The following RPL29 variants were observed in gnomAD, a reference collection of about 807,000 sequenced individuals.
RPL29 encodes ribosomal protein L29, also known as large ribosomal subunit protein eL29.
In RPL29, 4 loss-of-function variants were observed where a neutral mutation model predicts 7.2. The observed-to-expected ratio is 0.55, with a 90% CI of 0.27 to 1.26. RPL29 has a LOEUF of 1.26. Among genes scored for constraint, RPL29 ranks in the 50% most tolerant of loss-of-function variants. The pLI, the probability that RPL29 is intolerant of heterozygous loss-of-function variation, is 0.11. For synonymous variants in RPL29, 73 were observed against 72.8 expected (o/e 1.00, Z -0.01); for missense variants, 148 against 209.1 (o/e 0.71, Z 1.80).
At chr3:51,994,317 G>A (rs1179821315) in intron 3 of RPL29, 191 bp from the exon 4 acceptor site, 2 of 675,492 alleles carry the variant, frequency 3.0e-6, no homozygotes, top group East Asian at 5.6e-5. Flanking sequence ...CGCCACCTGG[G>A]TAATGCTGTG....
intron 1 of RPL29, 98 bp downstream of exon 1, chr3:51,995,759 A>G (rs933561062): frequency 3.3e-5 from 14 of 429,306 alleles, no homozygotes; most frequent in African/African-American, 4.0e-5. Flanking sequence ...TTTGCTCCCG[A>G]CAGACACACG....
At chr3:51,994,408 A>G (rs903388762) in intron 3 of RPL29, 5 of 416,730 alleles carry the variant, frequency 1.2e-5, no homozygotes, top group African/African-American at 1.0e-4. Flanking sequence ...TTCCTACAGC[A>G]GGGGTTCGAC....
intron 2 of RPL29, 134 bp from the exon 3 acceptor site, chr3:51,995,240 C>G: frequency 1.0e-6 from 1 of 973,360 alleles, no homozygotes; most frequent in Non-Finnish European, 1.6e-6. Flanking sequence ...GAAACCCTTA[C>G]TACTAAATGC....
intron 1 of RPL29, 154 bp from the exon 2 acceptor site, chr3:51,995,623 C>T (rs1009552744): frequency 1.0e-5 from 7 of 689,360 alleles, no homozygotes; most frequent in African/African-American, 1.8e-5. Context: ...GTCCTGGCCT[C>T]CCAAACCCAG....
At position 51,995,344 on chromosome 3, in the gene RPL29, G is replaced by A. The variant is rs376766326; in HGVS notation, c.37+81C>T. ...TCAGCCTCAGGCCCACAATGGAAAC[G>A]TGCCCCTTCATCTCTGTCCCAGTTT... is the stretch of plus-strand genomic sequence containing the variant. On this transcript the variant is annotated intron_variant, in intron 2 of 3. Coordinates refer to ENST00000294189, the MANE Select transcript of RPL29 (RefSeq NM_000992.3). 7.9e-4 allele frequency: 1,156 copies of A among 1,463,822 alleles called. 1 individual carries two copies. The highest frequency in any genetic ancestry group is 1.0e-3 in the Non-Finnish European group (1,084 of 1,043,926). 90.7% of individuals were successfully genotyped at this position (1,463,822 alleles called of 1,614,324 possible). A position where few individuals can be genotyped will look rare whatever the true frequency, so the allele number is the denominator to read the frequency against.
Position 51,995,844 on chromosome 3 carries a change from G to A in RPL29, c.-9+13C>T. 3.4e-6 allele frequency: 1 copy of A among 291,228 alleles called. No homozygotes were observed. Among genetic ancestry groups the A allele is most frequent in the Non-Finnish European group, 6.6e-6 (1 of 150,754 alleles). 18.0% of individuals were successfully genotyped at this position (291,228 alleles called of 1,614,324 possible). Reference sequence around the variant, plus strand: ...TCGCGGATGGCATCGGATGCCGCGCGGCCAACACTCACCATAAGCCGCGGC... The same window carrying A: ...TCGCGGATGGCATCGGATGCCGCGCAGCCAACACTCACCATAAGCCGCGGC... On this transcript the variant is annotated intron_variant, in intron 1 of 3. Transcript: ENST00000294189.
intron 2 of RPL29, 47 bp from the exon 3 acceptor site, chr3:51,995,153 A>C (rs747341551): frequency 6.6e-7 from 1 of 1,514,254 alleles, no homozygotes; most frequent in South Asian, 1.2e-5. Flanking sequence ...ACTTTCCTCT[A>C]ATAAGACCAC....
Position 51,994,723 on chromosome 3 carries a change from G to A in RPL29, c.102+319C>T. The A allele has an allele frequency of 4.6e-6, 3 of 656,692 alleles. No homozygotes were observed. In the South Asian group the frequency reaches 4.9e-5, roughly 11 times the overall value. The allele number at this position is 656,692 out of a possible 1,614,324, so 40.7% of individuals were successfully genotyped here. On this transcript the variant is annotated intron_variant, in intron 3 of 3. Coordinates refer to ENST00000294189, the MANE Select transcript of RPL29 (RefSeq NM_000992.3). ...GGGTCAGATGGAGGTCATAAGGCTG[G>A]TCAGTGTGGGAATGTGCCCTGCACG...
intron 3 of RPL29, chr3:51,994,598 C>T (rs1701291195): frequency 2.2e-6 from 1 of 463,722 alleles, no homozygotes; most frequent in Non-Finnish European, 3.9e-6. Flanking sequence ...AAGGAACAGA[C>T]TGGGGACATG....
chr3:51,995,836 T>C (rs532378577), intron 1 of RPL29, 21 bp downstream of exon 1: 2 of 301,568 alleles, frequency 6.6e-6, no homozygotes, highest in South Asian at 7.1e-5. Flanking sequence ...TGGCATCGGA[T>C]GCCGCGCGGC....
At chr3:51,994,918 CT>C in intron 3 of RPL29, 123 bp downstream of exon 3, 1 of 863,048 alleles carries the variant, frequency 1.2e-6, no homozygotes, top group East Asian at 2.4e-5. Flanking sequence ...GAATTGCAGG[CT>C]TTGGGTGGGC....
chr3:51,995,217 A>T, intron 2 of RPL29, 111 bp from the exon 3 acceptor site: 1 of 1,052,604 alleles, frequency 9.5e-7, no homozygotes, highest in Non-Finnish European at 1.4e-6. Flanking sequence ...CAGCAGCTAC[A>T]CTTGAGATAT....
intron 3 of RPL29, 157 bp downstream of exon 3, chr3:51,994,885 T>C (rs1332683329): frequency 1.3e-6 from 1 of 787,842 alleles, no homozygotes; most frequent in African/African-American, 1.7e-5. Flanking sequence ...AGCTTTATTA[T>C]GGGTCTGGTA....
Position 51,993,906 on chromosome 3 carries a change from G to A in RPL29, c.323C>T (p.Ala108Val). 4 of 1,596,506 alleles carry A rather than the reference G, an allele frequency of 2.5e-6. No homozygotes were observed. Among genetic ancestry groups the A allele is most frequent in the Non-Finnish European group, 3.4e-6 (4 of 1,179,790 alleles). Residue 108 changes from alanine to valine, a missense_variant, in exon 4 of 4, where the codon GCT becomes GTT. Physicochemically the swap from Ala to Val is moderately conservative, Grantham distance 64. Coordinates refer to ENST00000294189, the MANE Select transcript of RPL29 (RefSeq NM_000992.3). Reference sequence around the variant, plus strand: ...GAGCCCCTTGGCAATACGGGCACGAGCACGCTTCCCAAGCTTGGGGTGGGC... The same window carrying A: ...GAGCCCCTTGGCAATACGGGCACGAACACGCTTCCCAAGCTTGGGGTGGGC... ...YIAHPKLGKR[A>V]RARIAKGLRL...
At chr3:51,995,514 G>T in intron 1 of RPL29, 45 bp from the exon 2 acceptor site, 1 of 1,587,546 alleles carries the variant, frequency 6.3e-7, no homozygotes. Flanking sequence ...TCGCCAGGCT[G>T]GGCCACCTCT....
chr3:51,993,824 G>A lies in RPL29; in HGVS notation c.405C>T (p.Ala135=). The A allele has an allele frequency of 1.3e-6, 2 of 1,591,474 alleles. No individual in the cohort carries two copies. The highest frequency in any genetic ancestry group is 8.5e-7 in the Non-Finnish European group (1 of 1,176,800). Residue 135 remains alanine (A), a synonymous_variant, in exon 4 of 4, where the codon GCC becomes GCT. Transcript: ENST00000294189. ...GAACTGAAGCTGGGGCTGCAGCCTGGGCCTTGGTTTGATCCTTGGCCTTGG... is the reference window on the plus strand; with the variant it reads ...GAACTGAAGCTGGGGCTGCAGCCTGAGCCTTGGTTTGATCCTTGGCCTTGG... ...AKAKAKDQTK[A]QAAAPASVPA...
At position 51,993,706 on chromosome 3, in the gene RPL29, G is replaced by A. The variant is rs374583779; in HGVS notation, c.*43C>T. 187 of 1,524,046 alleles carry A rather than the reference G, an allele frequency of 1.2e-4. 1 individual carries two copies. The African/African-American group carries it at 2.2e-3, about 18-fold the overall frequency. 94.4% of individuals were successfully genotyped at this position (1,524,046 alleles called of 1,614,324 possible). ...AGATGGTAGCCCAGGGGCGGGGGTGGGGGGTCGCACCAGTCCTTCTGTCCT... is the reference window on the plus strand; with the variant it reads ...AGATGGTAGCCCAGGGGCGGGGGTGAGGGGTCGCACCAGTCCTTCTGTCCT... On this transcript the variant is annotated 3_prime_UTR_variant, in exon 4 of 4. Transcript: ENST00000294189.
chr3:51,994,220 A>G, intron 3 of RPL29, 94 bp from the exon 4 acceptor site: 1 of 1,439,010 alleles, frequency 6.9e-7, no homozygotes. Context: ...TTCTAAAGAC[A>G]GCATCAAGTC....
At chr3:51,995,195 C>A in intron 2 of RPL29, 89 bp from the exon 3 acceptor site, 1 of 1,191,122 alleles carries the variant, frequency 8.4e-7, no homozygotes, top group South Asian at 1.3e-5. Context: ...CTGGGAGAAC[C>A]AACACTTCCT....
Sources: allele counts gnomAD v4.1 joint callset, GRCh38; gene constraint gnomAD v4.1.1; transcripts MANE v1.5; gene names NCBI Gene and HGNC (gene_info 2026-07-23, HGNC 2026-07-21).